The following ERC1 variants were observed in gnomAD, a reference collection of about 807,000 sequenced individuals.
ERC1 encodes ELKS/RAB6-interacting/CAST family member 1.
ERC1 carries 56 observed loss-of-function variants against 132.0 expected under a neutral mutation model. The ratio of observed to expected loss-of-function variants is 0.42; its 90% CI spans 0.34 to 0.53. The LOEUF (loss-of-function observed/expected upper bound fraction) is 0.53. Among genes scored for constraint, ERC1 ranks in the 20% least tolerant of loss-of-function variants. The probability of loss-of-function intolerance (pLI) is 0.03; values close to 1 mark genes in which losing one functional copy is unlikely to be tolerated. For missense variants in ERC1, 1,202 were observed against 1,349.9 expected, an observed-to-expected ratio of 0.89 and a Z score of 1.72; for synonymous variants, 478 against 476.1, an observed-to-expected ratio of 1.00 and a Z score of -0.05.
In ERC1 at chr12:1,344,972, C is replaced by T. The variant is rs552135702; in HGVS notation, c.2781-26861C>T. Among the ~76,000 whole-genome samples, 4 of 152,064 alleles carry T rather than the reference C, an allele frequency of 2.6e-5. No individual in the cohort carries two copies. The East Asian group carries it at 7.7e-4, about 29-fold the overall frequency. ...TTTGTTATTCTTTTATAAATTTAAG[C>T]AGTAGTACAAAGTAGAAAGAATAAA... On this transcript the variant is annotated intron_variant, in intron 15 of 18. Coordinates refer to ENST00000360905, the MANE Select transcript of ERC1 (RefSeq NM_178040.4).
At chr12:1,156,489 A>C (rs963455141) in intron 8 of ERC1, among the ~76,000 whole-genome samples, 2 of 151,916 alleles carry the variant, frequency 1.3e-5, no homozygotes, top group African/African-American at 4.8e-5. Flanking sequence ...TGTTCACCTC[A>C]GCCTCCCAAA....
rs547215559 is a variant in ERC1, at chr12:1,146,803, G to C, written c.1737+5016G>C. Among the ~76,000 whole-genome samples, 3 of 146,964 alleles carry C rather than the reference G, an allele frequency of 2.0e-5. No individual in the cohort carries two copies. The East Asian group carries it at 5.9e-4, about 29-fold the overall frequency. ...CCCACCCCACAACAGTCCCCGGAGTGTGATGTTCCCCTTCCTGTGTCCATA... is the reference window on the plus strand; with the variant it reads ...CCCACCCCACAACAGTCCCCGGAGTCTGATGTTCCCCTTCCTGTGTCCATA... On this transcript the variant is annotated intron_variant, in intron 8 of 18. Transcript: ENST00000360905.
intron 3 of ERC1, among the ~76,000 whole-genome samples, chr12:1,096,631 T>TA (rs2154195402): frequency 6.6e-6 from 1 of 152,332 alleles, no homozygotes; most frequent in Admixed American, 6.5e-5. Context: ...GAGAGATTAT[T>TA]ATGGCCTAAA....
At chr12:1,259,141 C>A (rs2076986921) in intron 13 of ERC1, among the ~76,000 whole-genome samples, 1 of 152,142 alleles carries the variant, frequency 6.6e-6, no homozygotes, top group Non-Finnish European at 1.5e-5. Flanking sequence ...ACTTACATGT[C>A]TTAGAATAAT....
At chr12:1,185,663 C>A (rs1418269169) in intron 11 of ERC1, among the ~76,000 whole-genome samples, 1 of 151,492 alleles carries the variant, frequency 6.6e-6, no homozygotes, top group African/African-American at 2.4e-5. Context: ...ACATTTTTAT[C>A]ACCCTATAGA....
intron 14 of ERC1, among the ~76,000 whole-genome samples, chr12:1,285,692 A>G (rs113865935): frequency 3.3e-5 from 5 of 152,368 alleles, no homozygotes; most frequent in African/African-American, 1.2e-4. Context: ...AGAGATTTAT[A>G]TTGGTAACTT....
At chr12:1,457,016 C>T (rs767614393) in intron 18 of ERC1, among the ~76,000 whole-genome samples, 7 of 152,074 alleles carry the variant, frequency 4.6e-5, no homozygotes, top group Non-Finnish European at 8.8e-5. Context: ...ACAGTGCTCC[C>T]GTAAGATGAT....
chr12:1,056,359 G>A (rs761571125), intron 2 of ERC1, among the ~76,000 whole-genome samples: 2 of 151,764 alleles, frequency 1.3e-5, no homozygotes, highest in Admixed American at 6.6e-5. Context: ...AAACTAGGAC[G>A]CAGACACACA....
chr12:1,219,852 C>T (rs144519395), intron 12 of ERC1, among the ~76,000 whole-genome samples: 113 of 152,160 alleles, frequency 7.4e-4, no homozygotes, highest in African/African-American at 2.5e-3. Context: ...GCAGGGAGTA[C>T]AGGCATGAGC....
At chr12:1,440,655 T>A (rs2093121217) in intron 17 of ERC1, among the ~76,000 whole-genome samples, 1 of 120,074 alleles carries the variant, frequency 8.3e-6, no homozygotes, top group African/African-American at 3.6e-5. Flanking sequence ...TGTGTGTGTG[T>A]GTGTGTGTGT....
At chr12:1,446,244 T>G (rs554069921) in intron 18 of ERC1, among the ~76,000 whole-genome samples, 83 of 151,624 alleles carry the variant, frequency 5.5e-4, no homozygotes, top group Non-Finnish European at 1.1e-3. Flanking sequence ...AAATCAGGAA[T>G]AAAAGAAACA....
intron 6 of ERC1, among the ~76,000 whole-genome samples, chr12:1,115,165 T>A (rs1337864999): frequency 2.0e-5 from 3 of 152,146 alleles, no homozygotes. Context: ...TGGCTTCCAT[T>A]TAGGGTAAAA....
At chr12:1,308,845 C>T (rs943027574) in intron 15 of ERC1, among the ~76,000 whole-genome samples, 1 of 152,110 alleles carries the variant, frequency 6.6e-6, no homozygotes, top group Non-Finnish European at 1.5e-5. Flanking sequence ...TTATGTCCCC[C>T]CAAAATTCAT....
intron 15 of ERC1, among the ~76,000 whole-genome samples, chr12:1,304,307 TTCCTAGG>T (rs2080661997): frequency 1.3e-5 from 2 of 152,330 alleles, no homozygotes; most frequent in African/African-American, 4.8e-5. Context: ...CTTTTGAGTG[TTCCTAGG>T]TCTCTTCCTT....
In ERC1 at chr12:1,033,100, G is replaced by C. The variant is rs535850116; in HGVS notation, c.669+4528G>C. On this transcript the variant is annotated intron_variant, in intron 2 of 18. Coordinates refer to ENST00000360905, the MANE Select transcript of ERC1 (RefSeq NM_178040.4). The stretch of plus-strand genomic sequence containing the variant: ...TGCTCAGGCTGGAGTGTGGTGGCGT[G>C]ATCTCGGCTCACTGCAAGCTCCACC... Among the ~76,000 whole-genome samples the C allele has an allele frequency of 4.0e-4, 60 of 150,948 alleles. 1 individual carries two copies. The highest frequency in any genetic ancestry group is 1.4e-3 in the African/African-American group (56 of 41,094).
chr12:1,393,894 T>C (rs1183294336), intron 16 of ERC1, among the ~76,000 whole-genome samples: 6 of 150,440 alleles, frequency 4.0e-5, no homozygotes, highest in African/African-American at 1.5e-4. Context: ...CGGGCGCCTG[T>C]AGTCCCAGCT....
At chr12:1,362,448 G>GTC (rs750785449) in intron 15 of ERC1, among the ~76,000 whole-genome samples, 2,843 of 144,834 alleles carry the variant, frequency 0.02, 35 homozygotes, top group African/African-American at 0.048. Context: ...CTCTCTCTCT[G>GTC]TCTCTCTCTC....
At chr12:1,345,199 G>T (rs866619503) in intron 15 of ERC1, among the ~76,000 whole-genome samples, 1,611 of 54,854 alleles carry the variant, frequency 0.029, 39 homozygotes, top group African/African-American at 0.11. Context: ...TTTTTTTTTT[G>T]AGACGGAGTC....
chr12:1,425,772 C>G lies in ERC1; in HGVS notation c.3024+17525C>G, dbSNP rs115510587. Among the ~76,000 whole-genome samples the G allele has an allele frequency of 8.9e-3, 1,361 of 152,280 alleles. 21 individuals are homozygous for G. The highest frequency in any genetic ancestry group is 0.031 in the African/African-American group (1,292 of 41,558). On this transcript the variant is annotated intron_variant, in intron 17 of 18. Coordinates refer to ENST00000360905, the MANE Select transcript of ERC1 (RefSeq NM_178040.4). ...CAGAGCTATTAAATTCCTCAAGGTT[C>G]AGATATGTCTGTTTTTCTGCGTAAC...
Sources: allele counts gnomAD v4.1 joint callset (sites outside exome capture counted in the v4.1 genomes callset), GRCh38; gene constraint gnomAD v4.1.1; transcripts MANE v1.5; gene names NCBI Gene and HGNC (gene_info 2026-07-23, HGNC 2026-07-21).